Variants in ALDH9A1 observed in about 807,000 individuals in gnomAD.
The protein encoded by ALDH9A1 is 4-trimethylaminobutyraldehyde dehydrogenase.
A neutral mutation model predicts 56.6 loss-of-function variants in ALDH9A1; 42 were observed. The ratio of observed to expected loss-of-function variants is 0.74; its 90% CI spans 0.58 to 0.96. The LOEUF (loss-of-function observed/expected upper bound fraction) is 0.96, where lower values mean the gene tolerates loss of function less well. Ranked by LOEUF, ALDH9A1 falls within the 40% of genes least tolerant of loss-of-function variation. The pLI, the probability that ALDH9A1 is intolerant of heterozygous loss-of-function variation, is 0.00. For missense variants in ALDH9A1, 661 were observed against 651.5 expected, an observed-to-expected ratio of 1.01 and a Z score of -0.16; for synonymous variants, 242 against 236.0, an observed-to-expected ratio of 1.03 and a Z score of -0.23.
chr1:165,681,078 T>C (rs1184423728), intron 4 of ALDH9A1, among the ~76,000 whole-genome samples: 1 of 152,166 alleles, frequency 6.6e-6, no homozygotes, highest in Non-Finnish European at 1.5e-5. Context: ...CCAGCCCCCA[T>C]GATTCAATTA....
chr1:165,668,896 C>A (rs1477946788), intron 8 of ALDH9A1, 30 bp downstream of exon 8: 2 of 1,443,760 alleles, frequency 1.4e-6, no homozygotes, highest in Non-Finnish European at 1.9e-6. Context: ...TAATTCAAAT[C>A]ATCTAAAAGC....
At chr1:165,678,294 A>T (rs1649434745) in intron 6 of ALDH9A1, among the ~76,000 whole-genome samples, 1 of 152,268 alleles carries the variant, frequency 6.6e-6, no homozygotes, top group African/African-American at 2.4e-5. Flanking sequence ...AGATCGTGCC[A>T]CTGCACTACC....
chr1:165,667,408 A>C lies in ALDH9A1; in HGVS notation c.1250T>G (p.Phe417Cys), dbSNP rs1323110411. Residue 417 changes from phenylalanine (F) to cysteine (C), a missense_variant, in exon 9 of 11, where the codon TTT becomes TGT. Transcript: ENST00000354775. The stretch of plus-strand genomic sequence containing the variant: ...TGATAAAATGGACATAACAGGCCCA[A>C]AGATCTCTTCCTTCACACAGGTCAT... ...DDMTCVKEEI[F>C]GPVMSILSFD... The C allele has an allele frequency of 6.2e-7, 1 of 1,614,104 alleles. No individual in the cohort carries two copies. The highest frequency in any genetic ancestry group is 1.1e-5 in the South Asian group (1 of 91,086).
chr1:165,684,974 T>C (rs758097117), intron 2 of ALDH9A1, among the ~76,000 whole-genome samples: 13 of 146,272 alleles, frequency 8.9e-5, no homozygotes, highest in Non-Finnish European at 1.8e-4. Flanking sequence ...TTCTGTGTTA[T>C]TCTATTATTC....
chr1:165,672,972 A>AACACACACAC lies in ALDH9A1; in HGVS notation c.931-3532_931-3523dup, dbSNP rs67363579. ...AAAAATAAAAAATAAAAAAAATACAAACACACACACACACACACACACACA... is the reference window on the plus strand; with the variant it reads ...AAAAATAAAAAATAAAAAAAATACAAACACACACACACACACACACACACACACACACACA... On this transcript the variant is annotated intron_variant, in intron 6 of 10. Coordinates refer to ENST00000354775, the MANE Select transcript of ALDH9A1 (RefSeq NM_000696.4). 6.8e-3 allele frequency among the ~76,000 whole-genome samples: 839 copies of AACACACACAC among 124,234 alleles called. 6 individuals carry two copies. The highest frequency in any genetic ancestry group is 8.6e-3 in the African/African-American group (278 of 32,406). 81.5% of individuals were successfully genotyped at this position (124,234 alleles called of 152,430 possible).
chr1:165,689,617 C>T (rs1446943650), intron 2 of ALDH9A1, among the ~76,000 whole-genome samples: 2 of 152,146 alleles, frequency 1.3e-5, no homozygotes, highest in Non-Finnish European at 2.9e-5. Flanking sequence ...CCCTCACTCA[C>T]CGTGGTGACC....
At chr1:165,666,042 G>A (rs1432243722) in intron 9 of ALDH9A1, among the ~76,000 whole-genome samples, 1 of 152,148 alleles carries the variant, frequency 6.6e-6, no homozygotes, top group African/African-American at 2.4e-5. Flanking sequence ...ACAAAAAGTG[G>A]TACATATCCA....
intron 6 of ALDH9A1, among the ~76,000 whole-genome samples, chr1:165,672,972 A>AAC (rs67363579): frequency 0.24 from 29,554 of 123,938 alleles, 3,505 homozygotes; most frequent in Middle Eastern, 0.31. Flanking sequence ...AAAAAATACA[A>AAC]ACACACACAC....
rs756305067 is a variant in ALDH9A1, at chr1:165,667,395, C to T, written c.1263G>A (p.Met421Ile). ...CTTCAGTGTCAAATGATAAAATGGACATAACAGGCCCAAAGATCTCTTCCT... is the reference window on the plus strand; with the variant it reads ...CTTCAGTGTCAAATGATAAAATGGATATAACAGGCCCAAAGATCTCTTCCT... The part of the protein sequence containing the change: ...CVKEEIFGPV[M>I]SILSFDTEAE... Residue 421 changes from methionine (M) to isoleucine (I), a missense_variant, in exon 9 of 11, where the codon ATG (methionine) becomes ATA (isoleucine). By Grantham distance (10) the Met-to-Ile change is conservative (BLOSUM62 1). Coordinates refer to ENST00000354775, the MANE Select transcript of ALDH9A1 (RefSeq NM_000696.4). 1.9e-6 allele frequency: 3 copies of T among 1,614,108 alleles called. No homozygotes were observed. The highest frequency in any genetic ancestry group is 1.6e-4 in the Middle Eastern group (1 of 6,062).
Position 165,663,066 on chromosome 1 carries a change from A to T in ALDH9A1, c.1541T>A (p.Val514Glu). ...LKTVCVEMGD[V>E]ESAF ...TGCAGGTTTTCAAAAAGCAGATTCC[A>T]CATCACCCATCTCCACACACACAGT... Residue 514 changes from valine to glutamate, a missense_variant, in exon 11 of 11, where the codon GTG becomes GAG. Val to Glu is a moderately radical substitution (Grantham distance 121, BLOSUM62 -2). Transcript: ENST00000354775. The T allele has an allele frequency of 6.2e-7, 1 of 1,614,036 alleles. No homozygotes were observed. The highest frequency in any genetic ancestry group is 1.1e-5 in the South Asian group (1 of 91,086).
intron 4 of ALDH9A1, among the ~76,000 whole-genome samples, chr1:165,681,563 T>C (rs1336774223): frequency 2.6e-5 from 4 of 152,228 alleles, no homozygotes; most frequent in Non-Finnish European, 4.4e-5. Flanking sequence ...ACATTACAAT[T>C]TTTTCTAAGA....
intron 6 of ALDH9A1, among the ~76,000 whole-genome samples, chr1:165,670,237 A>T (rs1467969450): frequency 1.3e-5 from 2 of 152,196 alleles, no homozygotes; most frequent in East Asian, 3.8e-4. Flanking sequence ...GTCCAAAATC[A>T]GCTGGGGCAA....
At chr1:165,682,054 CGAACGAGAGAAT>C in intron 4 of ALDH9A1, 41 bp downstream of exon 4, 1 of 1,599,968 alleles carries the variant, frequency 6.3e-7, no homozygotes, top group South Asian at 1.1e-5. Context: ...GGGGAGAGAA[CGAACGAGAGAAT>C]GAACGAATGG....
At chr1:165,698,255 ACT>A in intron 1 of ALDH9A1, 121 bp downstream of exon 1, 2 of 1,445,150 alleles carry the variant, frequency 1.4e-6, no homozygotes. Flanking sequence ...ACAACCTTAG[ACT>A]CTCCACTGTC....
At chr1:165,665,723 C>A (rs1173171806) in intron 9 of ALDH9A1, among the ~76,000 whole-genome samples, 1 of 152,112 alleles carries the variant, frequency 6.6e-6, no homozygotes, top group African/African-American at 2.4e-5. Context: ...ACTTCACACC[C>A]ACAAGGATGG....
chr1:165,680,806 A>C, intron 4 of ALDH9A1, 123 bp from the exon 5 acceptor site: 1 of 916,064 alleles, frequency 1.1e-6, no homozygotes, highest in Non-Finnish European at 1.6e-6. Context: ...CAAATCCTAC[A>C]TCAAAAATGT....
In ALDH9A1 at chr1:165,679,438, A is replaced by T; in HGVS notation, c.930+4T>A. 1 of 1,614,130 alleles carries T rather than the reference A, an allele frequency of 6.2e-7. No homozygotes were observed. Among genetic ancestry groups the T allele is most frequent in the Non-Finnish European group, 8.5e-7 (1 of 1,179,968 alleles). On this transcript the variant is annotated splice_donor_region_variant and intron_variant, in intron 6 of 10. Transcript: ENST00000354775. Reference sequence around the variant, plus strand: ...TTACACCTCTTCCAGGGACAGGTACATACCTGGCCTTGTGTGAGGAAGTTG... The same window carrying T: ...TTACACCTCTTCCAGGGACAGGTACTTACCTGGCCTTGTGTGAGGAAGTTG...
intron 2 of ALDH9A1, among the ~76,000 whole-genome samples, chr1:165,686,257 T>C (rs9970857): frequency 0.024 from 3,691 of 152,234 alleles, 112 homozygotes; most frequent in African/African-American, 0.062. Flanking sequence ...TGCTGGAGTC[T>C]ACTGCCTAGA....
intron 10 of ALDH9A1, among the ~76,000 whole-genome samples, chr1:165,664,227 A>G (rs1648935769): frequency 6.6e-6 from 1 of 152,152 alleles, no homozygotes; most frequent in East Asian, 1.9e-4. Context: ...ATGGCTGTAA[A>G]TATTTGCCAC....
Sources: gnomAD v4.1 joint callset for allele counts (sites outside exome capture counted in the v4.1 genomes callset) on GRCh38, gnomAD v4.1.1 for gene constraint, MANE v1.5 for transcripts, NCBI Gene and HGNC (gene_info 2026-07-23, HGNC 2026-07-21) for gene names.